The following MPPED2 variants were observed in gnomAD, a reference collection of about 807,000 sequenced individuals.
The protein encoded by MPPED2 is metallophosphoesterase MPPED2.
In MPPED2, 5 loss-of-function variants were observed where a neutral mutation model predicts 33.0. That is an observed-to-expected ratio of 0.15 (90% confidence interval 0.08 to 0.32). MPPED2 has a LOEUF of 0.32. Ranked by LOEUF, MPPED2 falls within the 10% of genes least tolerant of loss-of-function variation. The pLI, the probability that MPPED2 is intolerant of heterozygous loss-of-function variation, is 1.00. For missense variants in MPPED2, 275 were observed against 372.1 expected (o/e 0.74, Z 2.15); for synonymous variants, 136 against 141.9 (o/e 0.96, Z 0.29).
intron 3 of MPPED2, among the ~76,000 whole-genome samples, chr11:30,511,991 ATTTC>A (rs1206343886): frequency 2.0e-5 from 3 of 152,038 alleles, no homozygotes; most frequent in African/African-American, 7.2e-5. Context: ...AAGCTAGCAT[ATTTC>A]TTTATTTTCT....
At chr11:30,504,885 C>T in intron 3 of MPPED2, 1 of 1,040,296 alleles carries the variant, frequency 9.6e-7, no homozygotes, top group South Asian at 1.3e-5. Context: ...CAGGGCTGAG[C>T]CAGAAACCCA....
At chr11:30,419,259 G>C (rs566198076) in intron 4 of MPPED2, among the ~76,000 whole-genome samples, 1 of 152,162 alleles carries the variant, frequency 6.6e-6, no homozygotes, top group Admixed American at 6.5e-5. Context: ...GGCACAGAGA[G>C]GTTAGGTAAA....
At chr11:30,460,501 T>C (rs1441640055) in intron 4 of MPPED2, among the ~76,000 whole-genome samples, 2 of 152,108 alleles carry the variant, frequency 1.3e-5, no homozygotes, top group Non-Finnish European at 2.9e-5. Context: ...GGTGCACCTG[T>C]AGTCCCAGCT....
intron 2 of MPPED2, among the ~76,000 whole-genome samples, chr11:30,549,389 A>T (rs1202783429): frequency 6.6e-6 from 1 of 152,228 alleles, no homozygotes; most frequent in Non-Finnish European, 1.5e-5. Context: ...AACATTTGCT[A>T]AAAGTTTACT....
intron 2 of MPPED2, among the ~76,000 whole-genome samples, chr11:30,579,405 A>C (rs993766944): frequency 6.6e-6 from 1 of 152,166 alleles, no homozygotes; most frequent in African/African-American, 2.4e-5. Context: ...CATGTTAGAC[A>C]TTGGAAGGGT....
intron 2 of MPPED2, among the ~76,000 whole-genome samples, chr11:30,571,159 T>C (rs1956671262): frequency 6.6e-6 from 1 of 151,814 alleles, no homozygotes; most frequent in African/African-American, 2.4e-5. Context: ...CTTTTTCTTT[T>C]TTTTTTTTTA....
chr11:30,421,580 T>A (rs556506973), intron 4 of MPPED2, among the ~76,000 whole-genome samples: 1 of 152,296 alleles, frequency 6.6e-6, no homozygotes, highest in East Asian at 1.9e-4. Context: ...GTAGGTATTA[T>A]CAGCTCTATT....
upstream of MPPED2, chr11:30,586,646 GA>G (rs1206825352): frequency 2.6e-5 from 4 of 152,270 alleles, no homozygotes; most frequent in African/African-American, 9.6e-5. The surrounding 1 kb of genome is among the most constrained non-coding windows in gnomAD (Gnocchi z 4.8). Context: ...ATAGGGGAAG[GA>G]AGGCGGGCTA....
intron 4 of MPPED2, among the ~76,000 whole-genome samples, chr11:30,442,721 A>G (rs1328014741): frequency 1.3e-5 from 2 of 152,140 alleles, no homozygotes; most frequent in Non-Finnish European, 2.9e-5. Flanking sequence ...AAAAGTTATC[A>G]CCATTAAGCC....
intron 3 of MPPED2, among the ~76,000 whole-genome samples, chr11:30,520,723 A>C (rs920385582): frequency 4.6e-5 from 7 of 152,216 alleles, no homozygotes; most frequent in African/African-American, 1.7e-4. Context: ...CAATTTCCTT[A>C]GTCAAAATGT....
chr11:30,410,310 A>C lies in MPPED2; in HGVS notation c.*1158T>G. On this transcript the variant is annotated 3_prime_UTR_variant, in exon 7 of 7. Transcript: ENST00000358117. ...ATTTAAAGAAACAACTGCTTTCCTA[A>C]ATTTCATTAACAAAGTAACATAAAA... The C allele has an allele frequency of 4.1e-6, 4 of 985,368 alleles. No individual in the cohort carries two copies. Among genetic ancestry groups the C allele is most frequent in the Non-Finnish European group, 4.8e-6 (4 of 829,476 alleles). 61.0% of individuals were successfully genotyped at this position (985,368 alleles called of 1,614,324 possible).
chr11:30,566,335 T>C (rs560273711), intron 2 of MPPED2, among the ~76,000 whole-genome samples: 1 of 152,264 alleles, frequency 6.6e-6, no homozygotes, highest in African/African-American at 2.4e-5. Context: ...CCCAAATCTC[T>C]AGGGTCACAT....
chr11:30,496,739 G>A (rs1399201497), intron 3 of MPPED2, among the ~76,000 whole-genome samples: 3 of 151,960 alleles, frequency 2.0e-5, no homozygotes, highest in East Asian at 1.9e-4. Context: ...AGGGGAGCAA[G>A]TTCCATCGTC....
rs140174277 is a variant in MPPED2, at chr11:30,459,652, T to C, written c.536+35644A>G. On this transcript the variant is annotated intron_variant, in intron 4 of 6. Coordinates refer to ENST00000358117, the MANE Select transcript of MPPED2 (RefSeq NM_001584.3). ...GCTTCACATAGAAGCTCTCTCTCTC[T>C]GGTATCATATTATTCCAAGAAGTAG... 1.2e-4 allele frequency among the ~76,000 whole-genome samples: 19 copies of C among 152,274 alleles called. 1 individual carries two copies. Among genetic ancestry groups the C allele is most frequent in the African/African-American group, 4.6e-4 (19 of 41,558 alleles).
At chr11:30,426,437 A>C (rs912354871) in intron 4 of MPPED2, among the ~76,000 whole-genome samples, 10 of 152,324 alleles carry the variant, frequency 6.6e-5, no homozygotes, top group African/African-American at 2.4e-4. Context: ...GGTGCCAGGC[A>C]CTAAGCTTGA....
At chr11:30,514,179 G>C (rs1953388114) in intron 3 of MPPED2, among the ~76,000 whole-genome samples, 1 of 152,164 alleles carries the variant, frequency 6.6e-6, no homozygotes, top group African/African-American at 2.4e-5. Flanking sequence ...AGGGTATCTT[G>C]ATTAGTTAGT....
At chr11:30,559,334 A>T (rs1011990640) in intron 2 of MPPED2, among the ~76,000 whole-genome samples, 14 of 152,212 alleles carry the variant, frequency 9.2e-5, no homozygotes, top group African/African-American at 3.4e-4. Flanking sequence ...ATAAAAATGT[A>T]TTGTAAATTG....
chr11:30,546,850 A>T lies in MPPED2; in HGVS notation c.129-10675T>A, dbSNP rs1417364767. 1.3e-5 allele frequency among the ~76,000 whole-genome samples: 2 copies of T among 152,202 alleles called. 1 individual carries two copies. Among genetic ancestry groups the T allele is most frequent in the Non-Finnish European group, 2.9e-5 (2 of 68,028 alleles). ...ATTAATTCAATACAATAATTATTAG[A>T]CTTAATATTTGTTTCTCTGGAGGTG... On this transcript the variant is annotated intron_variant, in intron 2 of 6. Transcript: ENST00000358117.
intron 4 of MPPED2, among the ~76,000 whole-genome samples, chr11:30,465,121 G>A (rs956937133): frequency 3.3e-5 from 5 of 152,174 alleles, no homozygotes; most frequent in Non-Finnish European, 5.9e-5. Context: ...GTGATGCTAA[G>A]CAAATTAAAA....
Sources: gnomAD v4.1 joint callset for allele counts (sites outside exome capture counted in the v4.1 genomes callset) on GRCh38, gnomAD v4.1.1 for gene constraint, Gnocchi (gnomAD v3.1) non-coding constraint, MANE v1.5 for transcripts, NCBI Gene and HGNC (gene_info 2026-07-23, HGNC 2026-07-21) for gene names.